SCML1: variants seen among roughly 807,000 people sequenced by gnomAD.
SCML1 encodes Scm polycomb group protein like 1.
For missense variants in SCML1, 137 were observed against 258.1 expected, an observed-to-expected ratio of 0.53 and a Z score of 3.22; for synonymous variants, 104 against 103.6, an observed-to-expected ratio of 1.00 and a Z score of -0.02.
At chrX:17,741,037 C>G (rs1456549758) in intron 1 of SCML1, among the ~76,000 whole-genome samples, 1 of 111,948 alleles carries the variant, frequency 8.9e-6, no homozygotes, top group Non-Finnish European at 1.9e-5. Context: ...TAACCATTGT[C>G]TGCAAACTTG....
Position 17,746,057 on chromosome X carries a change from G to A in SCML1, c.157G>A (p.Glu53Lys). ...ATCTGACGCATCCTGTAATACTGAA[G>A]AGCAACTGAAGACAGTTGATGATGT... ...IVSDASCNTEEQLKTVDDVLI... is the reference protein window; with the variant it reads ...IVSDASCNTEKQLKTVDDVLI... The change falls in exon 4 of 8, where the codon GAG becomes AAG. Residue 53 changes from glutamate to lysine, a missense_variant. Transcript: ENST00000380041. The A allele has an allele frequency of 8.4e-7, 1 of 1,187,517 alleles. No homozygotes were observed. The highest frequency in any genetic ancestry group is 1.1e-6 in the Non-Finnish European group (1 of 877,938).
chrX:17,745,334 G>T lies in SCML1; in HGVS notation c.34-122G>T, dbSNP rs1362730784. ...AGTCATAGTATTTACAGTGAGCAAA[G>T]GTCCTTTGATATCACAAATAGGCCT... On this transcript the variant is annotated intron_variant, in intron 2 of 7. Coordinates refer to ENST00000380041, the MANE Select transcript of SCML1 (RefSeq NM_001037540.3). The T allele has an allele frequency of 8.5e-6, 4 of 471,077 alleles. 1 individual carries two copies. Among genetic ancestry groups the T allele is most frequent in the Non-Finnish European group, 7.5e-6 (2 of 265,855 alleles). 38.8% of individuals were successfully genotyped at this position (471,077 alleles called of 1,213,427 possible).
chrX:17,752,002 T>C (rs2066713696), intron 7 of SCML1, 36 bp downstream of exon 7: 1 of 1,174,945 alleles, frequency 8.5e-7, no homozygotes, highest in Non-Finnish European at 1.2e-6. Flanking sequence ...CCTGCTGTAA[T>C]GCCTTTGAAT....
intron 1 of SCML1, chrX:17,743,727 T>A (rs1342957039): frequency 8.8e-6 from 1 of 113,355 alleles, no homozygotes; most frequent in Non-Finnish European, 1.8e-5. Flanking sequence ...GGCAATGCTT[T>A]CTCCTTAGTC....
chrX:17,753,251 T>C lies in SCML1; in HGVS notation c.856-7T>C. The stretch of plus-strand genomic sequence containing the variant: ...ATTAATTATCGTTAAGTTTCTTCTC[T>C]CCATAGGAAATTGACGGGAAGGCTC... On this transcript the variant is annotated splice_polypyrimidine_tract_variant and splice_region_variant and intron_variant, in intron 7 of 7. Coordinates refer to ENST00000380041, the MANE Select transcript of SCML1 (RefSeq NM_001037540.3). 1.8e-6 allele frequency: 2 copies of C among 1,130,682 alleles called. No homozygotes were observed. Among genetic ancestry groups the C allele is most frequent in the Non-Finnish European group, 2.3e-6 (2 of 852,754 alleles). 93.2% of individuals were successfully genotyped at this position (1,130,682 alleles called of 1,213,427 possible). A position where few individuals can be genotyped will look rare whatever the true frequency, so the allele number is the denominator to read the frequency against.
In SCML1 at chrX:17,744,107, A is replaced by G. The variant is rs996501468; in HGVS notation, c.-80A>G. 1 of 879,397 alleles carries G rather than the reference A, an allele frequency of 1.1e-6. No homozygotes were observed. The highest frequency in any genetic ancestry group is 1.7e-6 in the Non-Finnish European group (1 of 600,331). 72.5% of individuals were successfully genotyped at this position (879,397 alleles called of 1,213,427 possible). ...TACCACTCTTAGGTGACTAAGCAGT[A>G]TCACAAATAAACCCTCCAGCAAGTT... is the stretch of plus-strand genomic sequence containing the variant. On this transcript the variant is annotated 5_prime_UTR_variant, in exon 2 of 8. Transcript: ENST00000380041.
chrX:17,741,822 C>T (rs900589740), intron 1 of SCML1, among the ~76,000 whole-genome samples: 8 of 111,213 alleles, frequency 7.2e-5, no homozygotes, highest in Non-Finnish European at 1.3e-4. Context: ...CTTGGACACC[C>T]CTAGTAAACG....
chrX:17,746,937 A>G (rs1207924530), intron 4 of SCML1, among the ~76,000 whole-genome samples: 1 of 112,237 alleles, frequency 8.9e-6, no homozygotes, highest in African/African-American at 3.2e-5. Flanking sequence ...CATTGCTGCC[A>G]AGGGGCTGGC....
intron 6 of SCML1, 80 bp from the exon 7 acceptor site, chrX:17,751,735 A>C: frequency 9.6e-7 from 1 of 1,038,185 alleles, no homozygotes; most frequent in Non-Finnish European, 1.3e-6. Flanking sequence ...ATTCCTCCTT[A>C]CCTAACATCT....
At chrX:17,752,278 TG>T (rs201462735) in intron 7 of SCML1, among the ~76,000 whole-genome samples, 1,745 of 111,972 alleles carry the variant, frequency 0.016, 40 homozygotes, top group African/African-American at 0.053. Context: ...TGCTCCCAGC[TG>T]GGCACCAGGA....
At position 17,746,044 on chromosome X, in the gene SCML1, C is replaced by A; in HGVS notation, c.144C>A (p.Ser48=). 5 of 1,185,269 alleles carry A rather than the reference C, an allele frequency of 4.2e-6. No individual in the cohort carries two copies. The highest frequency in any genetic ancestry group is 5.7e-6 in the Non-Finnish European group (5 of 876,438). ...AACCGAATATTGTATCTGACGCATC[C>A]TGTAATACTGAAGAGCAACTGAAGA... ...NKEPNIVSDA[S]CNTEEQLKTV... Residue 48 remains serine, a synonymous_variant, in exon 4 of 8, where the codon TCC becomes TCA. Coordinates refer to ENST00000380041, the MANE Select transcript of SCML1 (RefSeq NM_001037540.3).
chrX:17,753,037 C>T, intron 7 of SCML1, among the ~76,000 whole-genome samples: 1 of 108,746 alleles, frequency 9.2e-6, no homozygotes, highest in Middle Eastern at 4.9e-3. Context: ...GTTAAATTTC[C>T]TTTTTCTCAG....
At chrX:17,738,917 ATGT>A (rs1252296959) in intron 1 of SCML1, among the ~76,000 whole-genome samples, 2 of 112,502 alleles carry the variant, frequency 1.8e-5, no homozygotes, top group African/African-American at 6.5e-5. Context: ...CTCTGAGAAA[ATGT>A]TGTAAAGCTG....
intron 1 of SCML1, among the ~76,000 whole-genome samples, chrX:17,740,958 A>G (rs750456282): frequency 5.1e-4 from 57 of 112,216 alleles, no homozygotes; most frequent in African/African-American, 1.8e-3. Context: ...GTCTAACTAC[A>G]GCCAAATTTT....
At position 17,754,057 on chromosome X, in the gene SCML1, C is replaced by T. The variant is rs2066739967; in HGVS notation, c.*665C>T. ...TTATTTTATGCAAGAAATATTGTAC[C>T]GCAAGGGTGGTTTGGATGAAGTCTG... On this transcript the variant is annotated 3_prime_UTR_variant, in exon 8 of 8. Coordinates refer to ENST00000380041, the MANE Select transcript of SCML1 (RefSeq NM_001037540.3). 1 of 110,850 alleles carries T rather than the reference C, an allele frequency of 9.0e-6. No individual in the cohort carries two copies. Among genetic ancestry groups the T allele is most frequent in the Non-Finnish European group, 1.9e-5 (1 of 52,872 alleles). 9.1% of individuals were successfully genotyped at this position (110,850 alleles called of 1,213,427 possible).
chrX:17,741,614 A>G lies in SCML1; in HGVS notation c.-116-2457A>G, dbSNP rs746825920. ...AATGGGACCTGGGCAAATTACTTAA[A>G]TCAAGCTTGTCCAACCCGCCTTATT... On this transcript the variant is annotated intron_variant, in intron 1 of 7. Coordinates refer to ENST00000380041, the MANE Select transcript of SCML1 (RefSeq NM_001037540.3). Among the ~76,000 whole-genome samples the G allele has an allele frequency of 2.7e-5, 3 of 112,001 alleles. No homozygotes were observed. In the South Asian group the frequency reaches 1.1e-3, roughly 42 times the overall value.
rs777636805 is a variant in SCML1 at position 17,745,251 on chromosome X, T to TG, written c.34-204dup. On this transcript the variant is annotated intron_variant, in intron 2 of 7. Transcript: ENST00000380041. ...AAGGGTTAAGCTCAGTGAAAACTGT[T>TG]GTCTTAAGTGTAGTTGGGTTAATGA... 8.8e-6 allele frequency: 3 copies of TG among 339,206 alleles called. No homozygotes were observed. In the South Asian group the frequency reaches 2.2e-4, roughly 25 times the overall value. 28.0% of individuals were successfully genotyped at this position (339,206 alleles called of 1,213,427 possible).
chrX:17,737,888 A>G (rs6654021), intron 1 of SCML1: 17,099 of 111,037 alleles, frequency 0.15, 2,945 homozygotes, highest in African/African-American at 0.5. Flanking sequence ...CCGCGCGTGT[A>G]AGCTTTTGAG....
rs369663129 is a variant in SCML1 at position 17,751,948 on chromosome X, C to T, written c.837C>T (p.Val279=). ...QTDPLALCPL[V]DLFRSHEIDG... ...ATCCTCTTGCATTATGCCCTCTTGT[C>T]GACCTCTTCAGAAGCCATGTAATGT... is the stretch of plus-strand genomic sequence containing the variant. The change falls in exon 7 of 8, where the codon GTC becomes GTT. Residue 279 remains valine, a synonymous_variant. Coordinates refer to ENST00000380041, the MANE Select transcript of SCML1 (RefSeq NM_001037540.3). 6.6e-6 allele frequency: 8 copies of T among 1,208,909 alleles called. No homozygotes were observed. The highest frequency in any genetic ancestry group is 2.2e-5 in the Admixed American group (1 of 45,698).
Sources: allele counts gnomAD v4.1 joint callset (sites outside exome capture counted in the v4.1 genomes callset), GRCh38; gene constraint gnomAD v4.1.1; transcripts MANE v1.5; gene names NCBI Gene and HGNC (gene_info 2026-07-23, HGNC 2026-07-21).